Variants in KIAA0825 observed in about 807,000 individuals in gnomAD.
KIAA0825 encodes KIAA0825.
In KIAA0825, 119 loss-of-function variants were observed where a neutral mutation model predicts 147.6. The ratio of observed to expected loss-of-function variants is 0.81; its 90% CI spans 0.69 to 0.94. The LOEUF (loss-of-function observed/expected upper bound fraction) is 0.94. KIAA0825 is among the 40% of genes least tolerant of loss of function. The pLI, the probability that KIAA0825 is intolerant of heterozygous loss-of-function variation, is 0.00. For missense variants in KIAA0825, 1,381 were observed against 1,472.7 expected, an observed-to-expected ratio of 0.94 and a Z score of 1.02; for synonymous variants, 470 against 518.1, an observed-to-expected ratio of 0.91 and a Z score of 1.26.
chr5:94,239,693 C>T (rs1054280147), intron 20 of KIAA0825, among the ~76,000 whole-genome samples: 8 of 152,152 alleles, frequency 5.3e-5, no homozygotes, highest in African/African-American at 1.9e-4. Context: ...CAATATGAAA[C>T]AGTGCTATTG....
chr5:94,602,395 A>G (rs1786657257), intron 1 of KIAA0825, among the ~76,000 whole-genome samples: 1 of 152,102 alleles, frequency 6.6e-6, no homozygotes, highest in African/African-American at 2.4e-5. Flanking sequence ...CTTCCCCAAG[A>G]CACATAATCA....
At chr5:94,441,088 TGA>T (rs1757021148) in intron 13 of KIAA0825, among the ~76,000 whole-genome samples, 1 of 152,048 alleles carries the variant, frequency 6.6e-6, no homozygotes, top group African/African-American at 2.4e-5. Context: ...GGGGTATCAC[TGA>T]GAGAGGCAAT....
At chr5:94,490,756 G>A (rs766298692) in intron 5 of KIAA0825, among the ~76,000 whole-genome samples, 10 of 151,944 alleles carry the variant, frequency 6.6e-5, no homozygotes, top group South Asian at 2.1e-4. Flanking sequence ...CATATCACAC[G>A]TAAAGAATAT....
intron 16 of KIAA0825, among the ~76,000 whole-genome samples, chr5:94,399,299 A>C (rs1297641294): frequency 2.0e-5 from 3 of 152,120 alleles, no homozygotes; most frequent in Admixed American, 2.0e-4. Context: ...GACTTGAAAG[A>C]TTGTATCTTA....
chr5:94,359,773 A>G (rs946393228), intron 20 of KIAA0825, among the ~76,000 whole-genome samples: 11 of 152,244 alleles, frequency 7.2e-5, no homozygotes, highest in African/African-American at 2.7e-4. Flanking sequence ...CTTTAAAACC[A>G]TGTTCTCAAG....
chr5:94,297,172 A>C (rs1778175573), intron 20 of KIAA0825, among the ~76,000 whole-genome samples: 1 of 152,236 alleles, frequency 6.6e-6, no homozygotes, highest in Admixed American at 6.5e-5. Flanking sequence ...GATCATATCA[A>C]GACCAAGTTC....
rs750198135 is a variant in KIAA0825 at position 94,536,993 on chromosome 5, T to C, written c.131+3A>G. The stretch of plus-strand genomic sequence containing the variant: ...CTTGTTTTAAATAATTAACAATATT[T>C]ACCTTGCAGCATTTTGTTCAATCTT... On this transcript the variant is annotated splice_donor_region_variant and intron_variant, in intron 3 of 20. Coordinates refer to ENST00000682413, the MANE Select transcript of KIAA0825 (RefSeq NM_001145678.3). 6.3e-7 allele frequency: 1 copy of C among 1,591,074 alleles called. No homozygotes were observed. The highest frequency in any genetic ancestry group is 2.2e-5 in the East Asian group (1 of 44,648).
At chr5:94,398,603 T>C (rs1750980477) in intron 16 of KIAA0825, among the ~76,000 whole-genome samples, 2 of 152,182 alleles carry the variant, frequency 1.3e-5, no homozygotes, top group South Asian at 4.1e-4. Flanking sequence ...TGTGTTATTT[T>C]TGTATTATCA....
intron 20 of KIAA0825, among the ~76,000 whole-genome samples, chr5:94,288,165 A>G (rs917648740): frequency 7.2e-5 from 11 of 152,056 alleles, no homozygotes; most frequent in African/African-American, 2.7e-4. Context: ...AAATGGAGGG[A>G]CCTGTAGCTG....
intron 5 of KIAA0825, among the ~76,000 whole-genome samples, chr5:94,515,350 C>G (rs1342189693): frequency 1.3e-5 from 2 of 152,164 alleles, no homozygotes; most frequent in African/African-American, 4.8e-5. Flanking sequence ...ATGGATCTGA[C>G]TTTCCAGATA....
intron 20 of KIAA0825, among the ~76,000 whole-genome samples, chr5:94,271,391 T>C (rs1192829652): frequency 6.6e-6 from 1 of 152,054 alleles, no homozygotes; most frequent in East Asian, 1.9e-4. Flanking sequence ...AACCAGAATA[T>C]ATAAGGAGCT....
At chr5:94,232,057 T>C (rs1277066414) in intron 20 of KIAA0825, among the ~76,000 whole-genome samples, 3 of 152,086 alleles carry the variant, frequency 2.0e-5, no homozygotes, top group Admixed American at 2.0e-4. Flanking sequence ...TGTTTAATGA[T>C]ATGGCAAGTA....
intron 20 of KIAA0825, 90 bp from the exon 21 acceptor site, chr5:94,154,214 C>T: frequency 6.3e-6 from 5 of 793,256 alleles, no homozygotes; most frequent in Non-Finnish European, 4.3e-6. Flanking sequence ...GTAATCTTGG[C>T]TTATTGAGTC....
intron 14 of KIAA0825, among the ~76,000 whole-genome samples, chr5:94,427,512 G>T (rs1463046698): frequency 6.6e-6 from 1 of 151,946 alleles, no homozygotes; most frequent in Non-Finnish European, 1.5e-5. Flanking sequence ...TTCCAGCCTG[G>T]GTGAGAGTGC....
chr5:94,522,299 C>T (rs918474802), intron 4 of KIAA0825, among the ~76,000 whole-genome samples: 5 of 151,622 alleles, frequency 3.3e-5, no homozygotes, highest in African/African-American at 1.2e-4. Context: ...TAGCTTCTTT[C>T]TCTCTCCTCT....
intron 20 of KIAA0825, among the ~76,000 whole-genome samples, chr5:94,260,398 C>CT (rs1005241737): frequency 6.6e-6 from 1 of 152,100 alleles, no homozygotes; most frequent in African/African-American, 2.4e-5. Flanking sequence ...AAGAAATTAG[C>CT]TTTTTAAGTA....
At chr5:94,317,736 G>A (rs1382340186) in intron 20 of KIAA0825, among the ~76,000 whole-genome samples, 1 of 151,730 alleles carries the variant, frequency 6.6e-6, no homozygotes, top group African/African-American at 2.4e-5. Context: ...ATTGTGCAGT[G>A]AAAATGAGAT....
At chr5:94,377,282 T>C (rs1337609370) in intron 20 of KIAA0825, among the ~76,000 whole-genome samples, 1 of 152,246 alleles carries the variant, frequency 6.6e-6, no homozygotes, top group Non-Finnish European at 1.5e-5. Context: ...GCCAAACTCA[T>C]ATGCAGTATA....
intron 20 of KIAA0825, among the ~76,000 whole-genome samples, chr5:94,238,840 G>A (rs1173994542): frequency 2.0e-5 from 3 of 152,086 alleles, no homozygotes; most frequent in African/African-American, 7.2e-5. Context: ...ATTTAAATGG[G>A]AGGGAATATG....
Sources: allele counts gnomAD v4.1 joint callset (sites outside exome capture counted in the v4.1 genomes callset), GRCh38; gene constraint gnomAD v4.1.1; transcripts MANE v1.5; gene names NCBI Gene and HGNC (gene_info 2026-07-23, HGNC 2026-07-21).